TNKS: variants seen among roughly 807,000 people sequenced by gnomAD.
The protein encoded by TNKS is poly [ADP-ribose] polymerase tankyrase-1.
In TNKS, 72 loss-of-function variants were observed where a neutral mutation model predicts 135.8. The ratio of observed to expected loss-of-function variants is 0.53; its 90% confidence interval spans 0.44 to 0.64. The LOEUF (loss-of-function observed/expected upper bound fraction) is 0.64, where lower values mean the gene tolerates loss of function less well. Ranked by LOEUF, TNKS falls within the 30% of genes least tolerant of loss-of-function variation. The pLI is 0.00. For missense variants in TNKS, 1,769 were observed against 1,674.0 expected (o/e 1.06, Z -0.99); for synonymous variants, 849 against 649.3 (o/e 1.31, Z -4.68).
chr8:9,595,797 C>T (rs1008405840), intron 2 of TNKS, among the ~76,000 whole-genome samples: 2 of 152,108 alleles, frequency 1.3e-5, no homozygotes, highest in African/African-American at 2.4e-5. Flanking sequence ...TACTTTTAGA[C>T]TCACTTCAAT....
rs765342768 is a variant in TNKS, at chr8:9,704,623, G to T, written c.1108-40G>T. On this transcript the variant is annotated intron_variant, in intron 5 of 26. Coordinates refer to ENST00000310430, the MANE Select transcript of TNKS (RefSeq NM_003747.3). ...GGCAAAGCAAGGATTTTCTTTGTTTGTTTGTTTTTACCTGAAAAGGGGATG... is the reference window on the plus strand; with the variant it reads ...GGCAAAGCAAGGATTTTCTTTGTTTTTTTGTTTTTACCTGAAAAGGGGATG... The T allele has an allele frequency of 5.2e-6, 8 of 1,529,094 alleles. No homozygotes were observed. In the East Asian group the frequency reaches 1.4e-4, roughly 26 times the overall value. 94.7% of individuals were successfully genotyped at this position (1,529,094 alleles called of 1,614,324 possible).
chr8:9,588,543 T>C (rs948472539), intron 2 of TNKS, among the ~76,000 whole-genome samples: 2 of 152,230 alleles, frequency 1.3e-5, no homozygotes, highest in Admixed American at 6.5e-5. Flanking sequence ...TCCAAAGTGC[T>C]GGGATTATAG....
chr8:9,624,628 C>G (rs1369343518), intron 3 of TNKS, among the ~76,000 whole-genome samples: 3 of 152,074 alleles, frequency 2.0e-5, no homozygotes, highest in African/African-American at 7.2e-5. Flanking sequence ...GTACTTTTCT[C>G]TACTTATAAT....
chr8:9,566,753 C>T (rs1487766183), intron 1 of TNKS, among the ~76,000 whole-genome samples: 2 of 151,490 alleles, frequency 1.3e-5, no homozygotes, highest in African/African-American at 2.4e-5. Context: ...GGACTACAGG[C>T]GCCCGCCACC....
At chr8:9,559,563 G>A (rs1011578447) in intron 1 of TNKS, among the ~76,000 whole-genome samples, 2 of 151,000 alleles carry the variant, frequency 1.3e-5, no homozygotes, top group Non-Finnish European at 2.9e-5. Flanking sequence ...GAGCATAGTA[G>A]CAGATAGGTA....
chr8:9,757,602 T>G (rs1806909988), intron 20 of TNKS, among the ~76,000 whole-genome samples: 2 of 152,094 alleles, frequency 1.3e-5, no homozygotes, highest in Admixed American at 1.3e-4. Context: ...CTTGCAACCG[T>G]GACCAAGCAG....
Position 9,556,373 on chromosome 8 carries a change from C to A in TNKS, c.434C>A (p.Ser145Tyr). ...PTSSSSSSPS[S>Y]PGSSLAESPE... ...TCTTCCTCATCTTCCTCTCCATCCT[C>A]CCCTGGATCGAGCTTGGCGGAGAGC... The change falls in exon 1 of 27, where the codon TCC becomes TAC. Residue 145 changes from serine (S) to tyrosine (Y), a missense_variant. By Grantham distance (144) the Ser-to-Tyr change is moderately radical. Transcript: ENST00000310430. The A allele has an allele frequency of 6.2e-7, 1 of 1,614,236 alleles. No homozygotes were observed. The highest frequency in any genetic ancestry group is 8.5e-7 in the Non-Finnish European group (1 of 1,180,046).
chr8:9,774,177 C>T (rs1477016623), intron 26 of TNKS, among the ~76,000 whole-genome samples: 2 of 152,180 alleles, frequency 1.3e-5, no homozygotes, highest in East Asian at 3.9e-4. Flanking sequence ...TTAAACTTCA[C>T]ATTAGACATG....
At chr8:9,650,632 C>A (rs959332281) in intron 3 of TNKS, among the ~76,000 whole-genome samples, 2 of 152,086 alleles carry the variant, frequency 1.3e-5, no homozygotes, top group African/African-American at 4.8e-5. Flanking sequence ...ATTATCTATT[C>A]ATGTCCTTTG....
chr8:9,680,549 C>G (rs948272905), intron 4 of TNKS, among the ~76,000 whole-genome samples, 176 bp from the exon 5 acceptor site: 1 of 151,876 alleles, frequency 6.6e-6, no homozygotes, highest in Non-Finnish European at 1.5e-5. Context: ...GGGTAATTAA[C>G]AGGAATTAAT....
intron 3 of TNKS, among the ~76,000 whole-genome samples, chr8:9,654,583 T>C (rs1259164771): frequency 6.6e-6 from 1 of 152,234 alleles, no homozygotes; most frequent in Non-Finnish European, 1.5e-5. Flanking sequence ...GTTCATCATA[T>C]ATTGTTCAAA....
At chr8:9,668,392 C>T (rs1165159915) in intron 3 of TNKS, among the ~76,000 whole-genome samples, 6 of 152,128 alleles carry the variant, frequency 3.9e-5, no homozygotes, top group East Asian at 1.9e-4. Flanking sequence ...CAAATTTTGC[C>T]TCTAGTTGTC....
chr8:9,610,003 G>A (rs926445727), intron 2 of TNKS, among the ~76,000 whole-genome samples: 6 of 152,036 alleles, frequency 3.9e-5, no homozygotes, highest in Middle Eastern at 3.4e-3. Flanking sequence ...GACTACAGGC[G>A]CCCGCCACCA....
chr8:9,597,343 C>G (rs575820694), intron 2 of TNKS, among the ~76,000 whole-genome samples: 11 of 152,304 alleles, frequency 7.2e-5, no homozygotes, highest in African/African-American at 2.2e-4. Context: ...CCACACAAGA[C>G]TATTTTTGTA....
At chr8:9,768,420 C>T (rs552748458) in intron 25 of TNKS, among the ~76,000 whole-genome samples, 3 of 152,216 alleles carry the variant, frequency 2.0e-5, no homozygotes, top group Non-Finnish European at 4.4e-5. Context: ...GAGAAAGAGA[C>T]GAATTTGTCT....
intron 11 of TNKS, among the ~76,000 whole-genome samples, chr8:9,714,731 G>T (rs1037386076): frequency 1.3e-5 from 2 of 152,174 alleles, no homozygotes; most frequent in African/African-American, 4.8e-5. Flanking sequence ...AATGAATTGG[G>T]TGTTAGAGTG....
At chr8:9,574,868 C>G (rs1229357395) in intron 1 of TNKS, 1 of 177,218 alleles carries the variant, frequency 5.6e-6, no homozygotes, top group African/African-American at 2.4e-5. Flanking sequence ...AGAGAAAGCT[C>G]CCCCGCGCCC....
chr8:9,742,724 ATATT>A (rs1362202607), intron 17 of TNKS, among the ~76,000 whole-genome samples: 49 of 148,702 alleles, frequency 3.3e-4, no homozygotes, highest in Admixed American at 3.1e-3. Context: ...TATTTAATAA[ATATT>A]TATTTAAAAT....
intron 1 of TNKS, chr8:9,557,449 A>G (rs1436545245): frequency 6.6e-6 from 1 of 150,934 alleles, no homozygotes; most frequent in Non-Finnish European, 1.5e-5. Flanking sequence ...AAGACACCTA[A>G]TAATATGTTT....
Sources: allele counts gnomAD v4.1 joint callset (sites outside exome capture counted in the v4.1 genomes callset), GRCh38; gene constraint gnomAD v4.1.1; transcripts MANE v1.5; gene names NCBI Gene and HGNC (gene_info 2026-07-23, HGNC 2026-07-21).